Variants in PLEKHA7 observed in about 807,000 individuals in gnomAD.
The protein encoded by PLEKHA7 is pleckstrin homology domain-containing family A member 7.
A neutral mutation model predicts 170.0 loss-of-function variants in PLEKHA7; 104 were observed. The observed-to-expected ratio is 0.61, with a 90% CI of 0.52 to 0.72. The LOEUF is 0.72. Ranked by LOEUF, PLEKHA7 falls within the 30% of genes least tolerant of loss-of-function variation. The pLI is 0.00. For synonymous variants in PLEKHA7, 648 were observed against 660.8 expected (o/e 0.98, Z 0.30); for missense variants, 1,615 against 1,671.7 (o/e 0.97, Z 0.59).
intron 3 of PLEKHA7, among the ~76,000 whole-genome samples, chr11:16,954,922 C>G (rs1293555766): frequency 6.6e-6 from 1 of 152,060 alleles, no homozygotes; most frequent in Non-Finnish European, 1.5e-5. Context: ...AAACTCCTGA[C>G]CTCGTGATCC....
chr11:16,998,148 G>A (rs1313461045), intron 3 of PLEKHA7, among the ~76,000 whole-genome samples: 1 of 152,192 alleles, frequency 6.6e-6, no homozygotes, highest in Non-Finnish European at 1.5e-5. Context: ...CCTTAGAACA[G>A]TGTACGTGTG....
At position 16,804,889 on chromosome 11, in the gene PLEKHA7, C is replaced by CGGG. The variant is rs57180263; in HGVS notation, c.2008-1597_2008-1595dup. 4.6e-5 allele frequency among the ~76,000 whole-genome samples: 7 copies of CGGG among 151,324 alleles called. No homozygotes were observed. In the East Asian group the frequency reaches 1.4e-3, roughly 29 times the overall value. On this transcript the variant is annotated intron_variant, in intron 13 of 26. Coordinates refer to ENST00000531066, the MANE Select transcript of PLEKHA7 (RefSeq NM_001329630.2). ...ACAGACTGTGCTGTCTCCTGCAATG[C>CGGG]GGGGGGGGCGGTGCAGGGAGGTGTG... is the stretch of plus-strand genomic sequence containing the variant.
intron 4 of PLEKHA7, among the ~76,000 whole-genome samples, chr11:16,869,045 G>A (rs1173342709): frequency 6.6e-6 from 1 of 152,148 alleles, no homozygotes; most frequent in Non-Finnish European, 1.5e-5. Flanking sequence ...GGATGCCTGA[G>A]GACTGAACTC....
intron 3 of PLEKHA7, among the ~76,000 whole-genome samples, chr11:16,896,301 G>T (rs1192783490): frequency 6.6e-6 from 1 of 152,196 alleles, no homozygotes; most frequent in East Asian, 1.9e-4. Context: ...GCACTTGGAA[G>T]AATGGCTGTG....
At chr11:17,008,380 C>T (rs57165913) in intron 3 of PLEKHA7, among the ~76,000 whole-genome samples, 7,890 of 152,256 alleles carry the variant, frequency 0.052, 393 homozygotes, top group East Asian at 0.15. Context: ...GAAATGAAGA[C>T]GCAGAGGAGG....
In PLEKHA7 at chr11:16,960,178, C is replaced by T. The variant is rs184758655; in HGVS notation, c.221+53811G>A. Among the ~76,000 whole-genome samples the T allele has an allele frequency of 9.2e-5, 14 of 152,318 alleles. No homozygotes were observed. In the East Asian group the frequency reaches 1.9e-3, roughly 21 times the overall value. On this transcript the variant is annotated intron_variant, in intron 3 of 26. Coordinates refer to ENST00000531066, the MANE Select transcript of PLEKHA7 (RefSeq NM_001329630.2). Reference sequence around the variant, plus strand: ...TTCAGGGGCCCCCTTCACTCCCGGACGCTGACCCTGTTCCCTTTTGTCCAG... The same window carrying T: ...TTCAGGGGCCCCCTTCACTCCCGGATGCTGACCCTGTTCCCTTTTGTCCAG...
intron 3 of PLEKHA7, among the ~76,000 whole-genome samples, chr11:16,888,941 TA>T (rs59807490): frequency 0.045 from 6,109 of 136,228 alleles, 285 homozygotes; most frequent in African/African-American, 0.12. Flanking sequence ...TACTAAAAAT[TA>T]AAAAAAAAAA....
intron 12 of PLEKHA7, 80 bp downstream of exon 12, chr11:16,816,098 G>T: frequency 8.4e-7 from 1 of 1,194,764 alleles, no homozygotes; most frequent in Non-Finnish European, 1.2e-6. Context: ...CTGCCCTCTG[G>T]ACTGCATTGT....
intron 3 of PLEKHA7, among the ~76,000 whole-genome samples, chr11:16,899,847 C>T (rs1857218887): frequency 6.6e-6 from 1 of 152,180 alleles, no homozygotes; most frequent in Non-Finnish European, 1.5e-5. Context: ...GTGGTAAGGG[C>T]ATGAACTGAA....
At chr11:16,941,529 C>A (rs890683486) in intron 3 of PLEKHA7, among the ~76,000 whole-genome samples, 3 of 152,232 alleles carry the variant, frequency 2.0e-5, no homozygotes, top group African/African-American at 7.2e-5. Context: ...ATTTCTAGAA[C>A]TAGAAGCAAT....
intron 13 of PLEKHA7, 69 bp from the exon 14 acceptor site, chr11:16,803,364 C>A (rs1471566571): frequency 6.7e-7 from 1 of 1,495,726 alleles, no homozygotes; most frequent in Non-Finnish European, 9.3e-7. Flanking sequence ...AAAGAAAATT[C>A]ATCCTATAAT....
intron 9 of PLEKHA7, among the ~76,000 whole-genome samples, chr11:16,835,367 A>G (rs1239974366): frequency 6.6e-6 from 1 of 152,196 alleles, no homozygotes; most frequent in African/African-American, 2.4e-5. Context: ...GAAGACAAAT[A>G]GGACTGAGGG....
chr11:16,982,162 T>C (rs556392790), intron 3 of PLEKHA7, among the ~76,000 whole-genome samples: 42 of 152,300 alleles, frequency 2.8e-4, no homozygotes, highest in Non-Finnish European at 5.4e-4. Flanking sequence ...CAGATACAAA[T>C]AGATATCTGA....
At chr11:16,824,284 C>T (rs1370500257) in intron 10 of PLEKHA7, among the ~76,000 whole-genome samples, 3 of 152,168 alleles carry the variant, frequency 2.0e-5, no homozygotes, top group Admixed American at 6.5e-5. Flanking sequence ...CCTATAATCT[C>T]GGCACTTTGG....
intron 3 of PLEKHA7, among the ~76,000 whole-genome samples, chr11:16,887,489 C>CCCTGCCTGATTCT (rs1221645431): frequency 6.6e-6 from 1 of 152,170 alleles, no homozygotes; most frequent in Non-Finnish European, 1.5e-5. Context: ...ACTGCAACCT[C>CCCTGCCTGATTCT]CCTGCCTGAT....
intron 3 of PLEKHA7, among the ~76,000 whole-genome samples, chr11:16,940,292 T>G (rs1165426711): frequency 3.4e-5 from 5 of 147,766 alleles, no homozygotes; most frequent in Non-Finnish European, 6.0e-5. Flanking sequence ...TTTTTTTTTT[T>G]TTTTTTTTTT....
At chr11:16,810,604 T>A (rs1849303768) in intron 13 of PLEKHA7, among the ~76,000 whole-genome samples, 1 of 152,216 alleles carries the variant, frequency 6.6e-6, no homozygotes, top group Admixed American at 6.5e-5. Flanking sequence ...TTGTTTTCCA[T>A]GACAAACAAT....
chr11:16,918,884 A>G (rs1049217251), intron 3 of PLEKHA7, among the ~76,000 whole-genome samples: 6 of 152,124 alleles, frequency 3.9e-5, no homozygotes, highest in African/African-American at 1.2e-4. Context: ...GAAAAACATT[A>G]CATACTCACA....
chr11:16,789,689 G>A lies in PLEKHA7; in HGVS notation c.3156+86C>T. ...CCCAGAGGCCATCCCCAGGGCTGAA[G>A]GGATGGCCAGTTACTGTCCCCCTGG... On this transcript the variant is annotated intron_variant, in intron 22 of 26. Coordinates refer to ENST00000531066, the MANE Select transcript of PLEKHA7 (RefSeq NM_001329630.2). This position sits in a 1 kb window ranked among gnomAD's most constrained non-coding sequence, Gnocchi z 4.6. 1 of 1,244,020 alleles carries A rather than the reference G, an allele frequency of 8.0e-7. No individual in the cohort carries two copies. The highest frequency in any genetic ancestry group is 1.3e-5 in the South Asian group (1 of 75,456). The allele number at this position is 1,244,020 out of a possible 1,614,324, so 77.1% of individuals were successfully genotyped here. A position where few individuals can be genotyped will look rare whatever the true frequency, so the allele number is the denominator to read the frequency against.
Sources: gnomAD v4.1 joint callset for allele counts (sites outside exome capture counted in the v4.1 genomes callset) on GRCh38, gnomAD v4.1.1 for gene constraint, Gnocchi (gnomAD v3.1) non-coding constraint, MANE v1.5 for transcripts, NCBI Gene and HGNC (gene_info 2026-07-23, HGNC 2026-07-21) for gene names.